Variants in CBFA2T3 observed in about 807,000 individuals in gnomAD.
The protein encoded by CBFA2T3 is transcriptional corepressor CBFA2T3.
In CBFA2T3, 31 loss-of-function variants were observed where a neutral mutation model predicts 58.6. The observed-to-expected ratio is 0.53, with a 90% CI of 0.40 to 0.71. The LOEUF is 0.71. Ranked by LOEUF, CBFA2T3 falls within the 30% of genes least tolerant of loss-of-function variation. The probability of loss-of-function intolerance (pLI) is 0.00; values close to 1 mark genes in which losing one functional copy is unlikely to be tolerated. For missense variants in CBFA2T3, 1,076 were observed against 963.1 expected (o/e 1.12, Z -1.55); for synonymous variants, 531 against 421.9 (o/e 1.26, Z -3.17).
chr16:88,907,729 C>G (rs1289288411), intron 1 of CBFA2T3, among the ~76,000 whole-genome samples: 1 of 152,206 alleles, frequency 6.6e-6, no homozygotes, highest in African/African-American at 2.4e-5. Flanking sequence ...TGGGCCTCTG[C>G]CAAGTGTCCT....
chr16:88,929,529 G>C (rs1269233573), intron 1 of CBFA2T3, among the ~76,000 whole-genome samples: 1 of 152,238 alleles, frequency 6.6e-6, no homozygotes, highest in Non-Finnish European at 1.5e-5. Flanking sequence ...CCACACAAAA[G>C]CTACCGATAC....
intron 1 of CBFA2T3, among the ~76,000 whole-genome samples, chr16:88,969,150 C>T (rs564811302): frequency 7.9e-5 from 12 of 152,324 alleles, no homozygotes; most frequent in Admixed American, 3.3e-4. Flanking sequence ...CGGATGCCGC[C>T]GGGGTCACCG....
At chr16:88,921,796 C>T (rs917527163) in intron 1 of CBFA2T3, among the ~76,000 whole-genome samples, 2 of 152,272 alleles carry the variant, frequency 1.3e-5, no homozygotes, top group African/African-American at 4.8e-5. Flanking sequence ...GAAGTTGCTT[C>T]CTCGGCGGCA....
chr16:88,936,439 C>T (rs888953308), intron 1 of CBFA2T3, among the ~76,000 whole-genome samples: 7 of 151,964 alleles, frequency 4.6e-5, no homozygotes, highest in Non-Finnish European at 1.0e-4. Context: ...CAGGGGCAGC[C>T]GAGTATCCAC....
chr16:88,914,119 C>T (rs918844184), intron 1 of CBFA2T3, among the ~76,000 whole-genome samples: 2 of 152,254 alleles, frequency 1.3e-5, no homozygotes, highest in East Asian at 3.8e-4. Context: ...ACACTGCACA[C>T]GGTCTCACAA....
chr16:88,877,374 C>G (rs1026088790), intron 11 of CBFA2T3, 99 bp from the exon 12 acceptor site: 1 of 968,448 alleles, frequency 1.0e-6, no homozygotes, highest in African/African-American at 1.7e-5. Flanking sequence ...ACGTCATCAC[C>G]AGGTGAGAAG....
At chr16:88,881,631 GC>G in intron 8 of CBFA2T3, 142 bp from the exon 9 acceptor site, 2 of 796,830 alleles carry the variant, frequency 2.5e-6, no homozygotes, top group Non-Finnish European at 3.9e-6. Context: ...GTGAGGGAGG[GC>G]CCACCTCCAT....
chr16:88,975,086 C>T (rs1254145628), intron 1 of CBFA2T3, among the ~76,000 whole-genome samples: 1 of 152,140 alleles, frequency 6.6e-6, no homozygotes, highest in Non-Finnish European at 1.5e-5. Flanking sequence ...GGGGTGGGCA[C>T]AGTGGCTGGG....
At chr16:88,881,791 G>A (rs551773949) in intron 8 of CBFA2T3, among the ~76,000 whole-genome samples, 52 of 152,336 alleles carry the variant, frequency 3.4e-4, no homozygotes, top group African/African-American at 7.2e-4. Flanking sequence ...CTGGCTTTCC[G>A]CCTGGGCTCC....
intron 1 of CBFA2T3, among the ~76,000 whole-genome samples, chr16:88,920,214 G>T (rs1597727967): frequency 6.6e-6 from 1 of 152,228 alleles, no homozygotes; most frequent in South Asian, 2.1e-4. Context: ...GACAGTCGCT[G>T]GAGCCCCAAC....
intron 5 of CBFA2T3, among the ~76,000 whole-genome samples, chr16:88,887,680 T>C (rs949433485): frequency 5.9e-5 from 9 of 152,156 alleles, no homozygotes; most frequent in African/African-American, 2.2e-4. Flanking sequence ...CCTCCGGCAG[T>C]GCCTCCTTCA....
At chr16:88,927,513 T>A (rs1310976064) in intron 1 of CBFA2T3, among the ~76,000 whole-genome samples, 1 of 152,152 alleles carries the variant, frequency 6.6e-6, no homozygotes, top group East Asian at 1.9e-4. Flanking sequence ...CTGCAACCCT[T>A]CATGAGGTCA....
At chr16:88,903,632 T>G (rs4995274) in intron 1 of CBFA2T3, among the ~76,000 whole-genome samples, 2 of 131,504 alleles carry the variant, frequency 1.5e-5, no homozygotes, top group East Asian at 2.6e-4. Context: ...TGTGGCAGGG[T>G]GTTCCTGTGG....
chr16:88,951,448 C>T (rs945489099), intron 1 of CBFA2T3: 2 of 393,428 alleles, frequency 5.1e-6, no homozygotes, highest in Admixed American at 6.6e-5. Context: ...TTTCTGTTAC[C>T]TGTATGTTTG....
chr16:88,941,406 C>G (rs994880176), intron 1 of CBFA2T3, among the ~76,000 whole-genome samples: 1 of 146,602 alleles, frequency 6.8e-6, no homozygotes, highest in South Asian at 2.1e-4. Flanking sequence ...CCCCCCGCCG[C>G]CGCCGCTGCG....
rs770722755 is a variant in CBFA2T3, at chr16:88,886,033, G to A, written c.821C>T (p.Ala274Val). Reference sequence around the variant, plus strand: ...CTCTGAGGAGTCGATGGGGGAGGAGGCGCTGGCGTCCAGCAGGAGCTGCTC... The same window carrying A: ...CTCTGAGGAGTCGATGGGGGAGGAGACGCTGGCGTCCAGCAGGAGCTGCTC... The part of the protein sequence containing the change: ...QHEQLLLDAS[A>V]SSPIDSSELL... The change falls in exon 6 of 12, where the codon GCC becomes GTC. Residue 274 changes from alanine (A) to valine (V), a missense_variant. Ala to Val is a moderately conservative substitution (Grantham distance 64, BLOSUM62 0). Coordinates refer to ENST00000268679, the MANE Select transcript of CBFA2T3 (RefSeq NM_005187.6). The A allele has an allele frequency of 7.0e-6, 11 of 1,572,222 alleles. 1 individual carries two copies. In the Admixed American group the frequency reaches 1.1e-4, roughly 16 times the overall value.
At chr16:88,934,636 C>T (rs1020304701) in intron 1 of CBFA2T3, among the ~76,000 whole-genome samples, 4 of 152,244 alleles carry the variant, frequency 2.6e-5, no homozygotes, top group African/African-American at 4.8e-5. Context: ...TCGCTGCCTG[C>T]CTATTCTTGC....
At chr16:88,918,818 AG>A in intron 1 of CBFA2T3, among the ~76,000 whole-genome samples, 1 of 152,344 alleles carries the variant, frequency 6.6e-6, no homozygotes, top group Admixed American at 6.5e-5. Context: ...CACGGCCTCC[AG>A]GGTTGGTGCT....
intron 1 of CBFA2T3, among the ~76,000 whole-genome samples, chr16:88,910,914 C>T (rs1007896624): frequency 6.6e-6 from 1 of 151,790 alleles, no homozygotes; most frequent in Non-Finnish European, 1.5e-5. Flanking sequence ...AGGGCTGTGC[C>T]AAGTGTGGGG....
Sources: gnomAD v4.1 joint callset for allele counts (sites outside exome capture counted in the v4.1 genomes callset) on GRCh38, gnomAD v4.1.1 for gene constraint, MANE v1.5 for transcripts, NCBI Gene and HGNC (gene_info 2026-07-23, HGNC 2026-07-21) for gene names.